Variants in TENM1 observed in about 807,000 individuals in gnomAD.
The protein encoded by TENM1 is teneurin-1.
In TENM1, 35 loss-of-function variants were observed where a neutral mutation model predicts 174.8. The observed-to-expected ratio is 0.20, with a 90% confidence interval of 0.15 to 0.27. The LOEUF is 0.27. TENM1 is among the 10% of genes least tolerant of loss of function. The probability of loss-of-function intolerance (pLI) is 1.00; values close to 1 mark genes in which losing one functional copy is unlikely to be tolerated. For missense variants in TENM1, 1,633 were observed against 2,130.1 expected (o/e 0.77, Z 4.59); for synonymous variants, 781 against 798.7 (o/e 0.98, Z 0.37).
At chrX:125,026,515 AAAG>A in the TENM1 span, among the ~76,000 whole-genome samples, 1 of 111,994 alleles carries the variant, frequency 8.9e-6, no homozygotes, top group African/African-American at 3.2e-5. Flanking sequence ...AGAGGCTAAA[AAAG>A]AAGGAAAGCT....
At chrX:124,723,163 C>G (rs1467409669) in intron 4 of TENM1, among the ~76,000 whole-genome samples, 1 of 111,582 alleles carries the variant, frequency 9.0e-6, no homozygotes, top group African/African-American at 3.3e-5. Flanking sequence ...TTTCAAAACC[C>G]TACTTTACCT....
chrX:124,889,470 G>A (rs1460012346), intron 3 of TENM1, among the ~76,000 whole-genome samples: 1 of 111,383 alleles, frequency 9.0e-6, no homozygotes, highest in African/African-American at 3.3e-5. Context: ...AACCTGCAGA[G>A]ACAGTGTTGA....
At chrX:124,592,439 T>G (rs1207148930) in intron 11 of TENM1, among the ~76,000 whole-genome samples, 2 of 101,723 alleles carry the variant, frequency 2.0e-5, no homozygotes, top group African/African-American at 7.4e-5. Context: ...TATTGGTTTT[T>G]TTTTTTTTTT....
intron 1 of TENM1, among the ~76,000 whole-genome samples, chrX:124,909,458 A>G: frequency 8.9e-6 from 1 of 112,336 alleles, no homozygotes; most frequent in East Asian, 2.8e-4. Flanking sequence ...TGAGGGATAT[A>G]GCAGCCAGGA....
chrX:124,472,744 T>C (rs2061349775), intron 22 of TENM1, among the ~76,000 whole-genome samples: 1 of 111,090 alleles, frequency 9.0e-6, no homozygotes, highest in African/African-American at 3.3e-5. Flanking sequence ...GTGAATATTC[T>C]GGATTCCCTA....
the TENM1 span, among the ~76,000 whole-genome samples, chrX:125,164,607 C>T: frequency 8.9e-6 from 1 of 112,112 alleles, no homozygotes; most frequent in African/African-American, 3.2e-5. Context: ...GAGCACCTAG[C>T]AAAGAACCTA....
the TENM1 span, among the ~76,000 whole-genome samples, chrX:125,143,487 A>G: frequency 8.9e-6 from 1 of 111,780 alleles, no homozygotes; most frequent in Non-Finnish European, 1.9e-5. Context: ...ACCTTCTGTC[A>G]TGGAAACTAA....
chrX:124,407,515 C>T (rs369402472), intron 25 of TENM1, among the ~76,000 whole-genome samples: 1 of 112,493 alleles, frequency 8.9e-6, no homozygotes, highest in East Asian at 2.8e-4. Flanking sequence ...TAGAGACTGG[C>T]TGTACTACTC....
At chrX:125,127,690 T>G in the TENM1 span, among the ~76,000 whole-genome samples, 98 of 111,037 alleles carry the variant, frequency 8.8e-4, no homozygotes, top group Non-Finnish European at 1.6e-3. Context: ...TACTGTAATT[T>G]AGTTTAGTCC....
chrX:125,091,797 C>T, the TENM1 span, among the ~76,000 whole-genome samples: 20 of 108,816 alleles, frequency 1.8e-4, no homozygotes, highest in Non-Finnish European at 3.8e-4. Flanking sequence ...ACCATCCTGG[C>T]CAACATAGTG....
At chrX:125,123,059 A>C in the TENM1 span, among the ~76,000 whole-genome samples, 1 of 111,711 alleles carries the variant, frequency 9.0e-6, no homozygotes, top group African/African-American at 3.3e-5. Flanking sequence ...AGAAACATGT[A>C]AATATTGAAT....
At chrX:124,773,569 G>A (rs186512907) in intron 3 of TENM1, among the ~76,000 whole-genome samples, 69 of 111,558 alleles carry the variant, frequency 6.2e-4, no homozygotes, top group African/African-American at 2.2e-3. Context: ...TGAGTGGCAT[G>A]TTCAGGAGTC....
At chrX:124,415,853 C>G (rs1289049599) in intron 25 of TENM1, among the ~76,000 whole-genome samples, 1 of 111,847 alleles carries the variant, frequency 8.9e-6, no homozygotes. Flanking sequence ...AAAACAGGCA[C>G]ACAAATTGAT....
intron 11 of TENM1, among the ~76,000 whole-genome samples, chrX:124,596,368 A>G (rs1434456676): frequency 2.7e-5 from 3 of 112,068 alleles, no homozygotes; most frequent in African/African-American, 9.7e-5. Context: ...TTTCATTCAC[A>G]CGAGTTAAAC....
intron 11 of TENM1, among the ~76,000 whole-genome samples, chrX:124,582,914 C>T (rs191786544): frequency 0.011 from 1,271 of 112,346 alleles, 21 homozygotes; most frequent in African/African-American, 0.038. Context: ...CCTACGCCCA[C>T]GGAGTCTCGC....
chrX:124,965,180 C>T (rs758766575), upstream of TENM1, among the ~76,000 whole-genome samples: 2 of 111,382 alleles, frequency 1.8e-5, no homozygotes, highest in African/African-American at 6.5e-5. Flanking sequence ...CGGGTTCACG[C>T]CATTCTTCTG....
intron 5 of TENM1, among the ~76,000 whole-genome samples, chrX:124,702,920 C>T (rs12116346): frequency 0.094 from 10,473 of 111,378 alleles, 391 homozygotes; most frequent in South Asian, 0.13. Flanking sequence ...AGGGCTTACA[C>T]GTGCCAGGCA....
rs146537101 is a variant in TENM1, at chrX:124,548,760, C to A, written c.2435-1670G>T. On this transcript the variant is annotated intron_variant, in intron 14 of 31. Coordinates refer to ENST00000422452, the Ensembl canonical transcript of TENM1. ...GCTCTTTTGCTTGCTCTCTCTCCCC[C>A]ACTTGTCTGCTCCCGTGGAGTTAGA... Among the ~76,000 whole-genome samples, 5 of 111,317 alleles carry A rather than the reference C, an allele frequency of 4.5e-5. No individual in the cohort carries two copies. In the East Asian group the frequency reaches 1.4e-3, roughly 31 times the overall value.
chrX:124,995,815 GA>G, the TENM1 span, among the ~76,000 whole-genome samples: 1 of 110,815 alleles, frequency 9.0e-6, no homozygotes, highest in East Asian at 2.8e-4. Flanking sequence ...AGTTCCTTTT[GA>G]AAAAAAGTTT....
Sources: allele counts gnomAD v4.1 joint callset (sites outside exome capture counted in the v4.1 genomes callset), GRCh38; gene constraint gnomAD v4.1.1; transcripts MANE v1.5; gene names NCBI Gene and HGNC (gene_info 2026-07-23, HGNC 2026-07-21).